Variants in DLGAP2 observed in about 807,000 individuals in gnomAD.
DLGAP2 encodes DLG associated protein 2, also known as disks large-associated protein 2.
DLGAP2 carries 26 observed loss-of-function variants against 100.3 expected under a neutral mutation model. The ratio of observed to expected loss-of-function variants is 0.26; its 90% CI spans 0.19 to 0.36. The LOEUF (loss-of-function observed/expected upper bound fraction) is 0.36, where lower values mean the gene tolerates loss of function less well. DLGAP2 is among the 10% of genes least tolerant of loss of function. The pLI is 1.00. For synonymous variants in DLGAP2, 886 were observed against 630.1 expected (o/e 1.41, Z -6.08); for missense variants, 1,858 against 1,453.2 (o/e 1.28, Z -4.53).
intron 3 of DLGAP2, among the ~76,000 whole-genome samples, chr8:1,486,118 A>G (rs1318994526): frequency 1.3e-5 from 2 of 152,222 alleles, no homozygotes; most frequent in Non-Finnish European, 2.9e-5. Flanking sequence ...AAGATGCTGC[A>G]TGGACATGTT....
At chr8:1,055,946 G>A (rs544746732) in intron 2 of DLGAP2, among the ~76,000 whole-genome samples, 1 of 152,308 alleles carries the variant, frequency 6.6e-6, no homozygotes, top group South Asian at 2.1e-4. Context: ...GAAAAGAGTG[G>A]GTTGGATTGT....
At chr8:1,656,142 G>T (rs1798279281) in intron 8 of DLGAP2, among the ~76,000 whole-genome samples, 1 of 152,176 alleles carries the variant, frequency 6.6e-6, no homozygotes, top group African/African-American at 2.4e-5. Flanking sequence ...TGTCCAACAT[G>T]GTGAAACCCC....
intron 1 of DLGAP2, among the ~76,000 whole-genome samples, chr8:752,285 G>A (rs888560637): frequency 1.3e-5 from 2 of 152,192 alleles, no homozygotes; most frequent in African/African-American, 2.4e-5. Flanking sequence ...CCAGGCTGCC[G>A]GCTACCACCA....
intron 1 of DLGAP2, among the ~76,000 whole-genome samples, chr8:781,741 C>A (rs1821692979): frequency 6.6e-6 from 1 of 152,182 alleles, no homozygotes; most frequent in East Asian, 1.9e-4. Context: ...AAAAATTTGT[C>A]TAAGGGCCCA....
chr8:1,138,291 G>T (rs1295582210), intron 2 of DLGAP2, among the ~76,000 whole-genome samples: 3 of 152,220 alleles, frequency 2.0e-5, no homozygotes, highest in Non-Finnish European at 4.4e-5. Flanking sequence ...AGCCACTTGG[G>T]GAGGCCTGGG....
chr8:915,300 C>T (rs533017228), intron 2 of DLGAP2, among the ~76,000 whole-genome samples: 41 of 152,326 alleles, frequency 2.7e-4, no homozygotes, highest in African/African-American at 6.5e-4. Flanking sequence ...GTAATCCCAG[C>T]GCTTTGGGAG....
rs1318614991 is a variant in DLGAP2, at chr8:923,207, C to T, written c.73+15241C>T. 6.6e-5 allele frequency among the ~76,000 whole-genome samples: 10 copies of T among 152,092 alleles called. No individual in the cohort carries two copies. The East Asian group carries it at 1.9e-3, about 29-fold the overall frequency. ...GTCTGTGTCAGTCTTGGCGGACAGG[C>T]TTTCTCTCCTGTGTTAGGTAGCAAA... is the stretch of plus-strand genomic sequence containing the variant. On this transcript the variant is annotated intron_variant, in intron 2 of 14. Transcript: ENST00000637795.
intron 3 of DLGAP2, among the ~76,000 whole-genome samples, chr8:1,333,672 G>A (rs1801208637): frequency 6.6e-6 from 1 of 152,170 alleles, no homozygotes; most frequent in Non-Finnish European, 1.5e-5. Context: ...ATGTAACCGC[G>A]GGCTCTCCAG....
chr8:1,690,064 AGAGGGT>A (rs1195908897), intron 12 of DLGAP2, among the ~76,000 whole-genome samples: 1 of 152,118 alleles, frequency 6.6e-6, no homozygotes, highest in East Asian at 1.9e-4. Flanking sequence ...CAGACTCAAG[AGAGGGT>A]GTGGGGCCGG....
intron 3 of DLGAP2, among the ~76,000 whole-genome samples, chr8:1,297,939 G>A (rs1245201214): frequency 7.0e-4 from 33 of 47,148 alleles, no homozygotes; most frequent in African/African-American, 3.4e-3. Flanking sequence ...GAGGAGAAAC[G>A]TGGCAGGCGT....
intron 2 of DLGAP2, chr8:1,247,028 T>C: frequency 5.3e-6 from 1 of 189,254 alleles, no homozygotes; most frequent in Non-Finnish European, 1.1e-5. Context: ...TGTGGAGTGA[T>C]GGTCCACATC....
intron 3 of DLGAP2, among the ~76,000 whole-genome samples, chr8:1,364,932 T>A (rs1041432132): frequency 1.3e-5 from 2 of 152,088 alleles, no homozygotes; most frequent in African/African-American, 4.8e-5. Context: ...GCAGCGAAGC[T>A]CCCACCTTCC....
chr8:1,171,232 C>G (rs1214647446), intron 2 of DLGAP2, among the ~76,000 whole-genome samples: 2 of 152,106 alleles, frequency 1.3e-5, no homozygotes, highest in African/African-American at 4.8e-5. Flanking sequence ...TTTGATTGCA[C>G]TGTGGTCTGA....
At chr8:1,454,043 A>G (rs1400020252) in intron 3 of DLGAP2, among the ~76,000 whole-genome samples, 3 of 152,252 alleles carry the variant, frequency 2.0e-5, no homozygotes, top group Non-Finnish European at 4.4e-5. Flanking sequence ...GTGGAAAGTT[A>G]ACACTGTTGA....
In DLGAP2 at chr8:878,757, C is replaced by G. The variant is rs76645526; in HGVS notation, c.19-29155C>G. Among the ~76,000 whole-genome samples, 26 of 152,260 alleles carry G rather than the reference C, an allele frequency of 1.7e-4. 1 individual carries two copies. The East Asian group carries it at 4.3e-3, about 25-fold the overall frequency. On this transcript the variant is annotated intron_variant, in intron 1 of 14. Coordinates refer to ENST00000637795, the MANE Select transcript of DLGAP2 (RefSeq NM_001346810.2). Reference sequence around the variant, plus strand: ...TGGATTTTATAAAGTGAGGCCACCTCTCCTGTTTGGCTTCTCTTTCACAAG... The same window carrying G: ...TGGATTTTATAAAGTGAGGCCACCTGTCCTGTTTGGCTTCTCTTTCACAAG...
intron 6 of DLGAP2, among the ~76,000 whole-genome samples, chr8:1,618,471 A>G (rs1797228236): frequency 1.3e-5 from 2 of 152,206 alleles, no homozygotes; most frequent in African/African-American, 4.8e-5. Flanking sequence ...CCCCAGACTG[A>G]GGTATGGATT....
chr8:1,495,500 G>C (rs1457714525), intron 3 of DLGAP2, among the ~76,000 whole-genome samples: 1 of 152,252 alleles, frequency 6.6e-6, no homozygotes, highest in Non-Finnish European at 1.5e-5. Context: ...GCCATCATGA[G>C]GGGTCAGAAT....
chr8:931,478 G>T (rs1025118695), intron 2 of DLGAP2, among the ~76,000 whole-genome samples: 3 of 152,166 alleles, frequency 2.0e-5, no homozygotes, highest in Non-Finnish European at 2.9e-5. Flanking sequence ...TGGGATCTGG[G>T]ATTCCTGGCC....
In DLGAP2 at chr8:1,459,811, G is replaced by A. The variant is rs1014599881; in HGVS notation, c.107-41555G>A. Reference sequence around the variant, plus strand: ...AGCAATTATCCTGTGTCAGCCTCCCGAGTAGCGGGAATTGCAGGTGCGCAC... The same window carrying A: ...AGCAATTATCCTGTGTCAGCCTCCCAAGTAGCGGGAATTGCAGGTGCGCAC... On this transcript the variant is annotated intron_variant, in intron 3 of 14. Coordinates refer to ENST00000637795, the MANE Select transcript of DLGAP2 (RefSeq NM_001346810.2). Among the ~76,000 whole-genome samples, 15 of 148,050 alleles carry A rather than the reference G, an allele frequency of 1.0e-4. No individual in the cohort carries two copies. In the South Asian group the frequency reaches 1.1e-3, roughly 11 times the overall value.
Sources: allele counts gnomAD v4.1 joint callset (sites outside exome capture counted in the v4.1 genomes callset), GRCh38; gene constraint gnomAD v4.1.1; transcripts MANE v1.5; gene names NCBI Gene and HGNC (gene_info 2026-07-23, HGNC 2026-07-21).